Variants in HERC2 observed in about 807,000 individuals in gnomAD.
HERC2 encodes HECT and RLD domain containing E3 ubiquitin protein ligase 2.
In HERC2, 102 loss-of-function variants were observed where a neutral mutation model predicts 537.7. That is an observed-to-expected ratio of 0.19 (90% CI 0.16 to 0.22). HERC2 has a LOEUF of 0.22. HERC2 is among the 10% of genes least tolerant of loss of function. The pLI is 1.00. For synonymous variants in HERC2, 2,224 were observed against 2,466.2 expected, an observed-to-expected ratio of 0.90 and a Z score of 2.91; for missense variants, 4,236 against 6,198.2, an observed-to-expected ratio of 0.68 and a Z score of 10.63.
chr15:28,313,462 C>G (rs2077000956), intron 2 of HERC2, among the ~76,000 whole-genome samples: 1 of 151,188 alleles, frequency 6.6e-6, no homozygotes, highest in Non-Finnish European at 1.5e-5. Context: ...GCCACCGCAC[C>G]CAGCCCGTTA....
intron 12 of HERC2, among the ~76,000 whole-genome samples, chr15:28,267,947 C>T (rs1291831150): frequency 1.3e-5 from 2 of 152,246 alleles, no homozygotes; most frequent in African/African-American, 4.8e-5. Context: ...GTTCCCATCA[C>T]TCCATGGGGC....
At position 28,260,872 on chromosome 15, in the gene HERC2, G is replaced by C. The variant is rs1481672404; in HGVS notation, c.2221C>G (p.His741Asp). The C allele has an allele frequency of 6.2e-7, 1 of 1,614,116 alleles. No individual in the cohort carries two copies. The highest frequency in any genetic ancestry group is 8.5e-7 in the Non-Finnish European group (1 of 1,180,052). The change falls in exon 16 of 93, where the codon CAC becomes GAC. Residue 741 changes from histidine (H) to aspartate (D), a missense_variant. Around this residue, in one of 27 missense-constraint regions of HERC2, gnomAD observed 754 missense variants for 1,085.0 expected, o/e 0.69. Transcript: ENST00000261609. ...HSWGSNDQCQ[H>D]FDTLRVTKPE... ...TTGGTCACGCGCAAGGTGTCAAAGT[G>C]CTGGCACTGGTCGTTGCTCCCCCAG...
At chr15:28,195,003 C>G (rs1399796815) in intron 52 of HERC2, among the ~76,000 whole-genome samples, 1 of 150,568 alleles carries the variant, frequency 6.6e-6, no homozygotes, top group East Asian at 2.0e-4. Flanking sequence ...TTACAGTGAG[C>G]CAGGATCGCG....
chr15:28,179,054 A>T, intron 58 of HERC2, 24 bp from the exon 59 acceptor site: 2 of 1,610,758 alleles, frequency 1.2e-6, no homozygotes, highest in Non-Finnish European at 1.7e-6. Context: ...CAGCCAGGAG[A>T]GGACTCTCTT....
At chr15:28,116,637 C>A (rs778167587) in intron 88 of HERC2, 28 bp downstream of exon 88, 7 of 1,584,038 alleles carry the variant, frequency 4.4e-6, no homozygotes, top group Non-Finnish European at 1.7e-6. Flanking sequence ...GCCACAGCGA[C>A]ACAGTCTCAA....
At position 28,229,594 on chromosome 15, in the gene HERC2, C is replaced by T. The variant is rs375450605; in HGVS notation, c.4986G>A (p.Leu1662=). ...CTTCCAGGCGAACCTCTGCTCTCTCCAACTGCAAAATATCAATGCATACAG... is the reference window on the plus strand; with the variant it reads ...CTTCCAGGCGAACCTCTGCTCTCTCTAACTGCAAAATATCAATGCATACAG... ...EKMRKCLLKQ[L]ERAEVRLEGI... is the part of the protein sequence containing the mutation. The change falls in exon 33 of 93, where the codon TTG becomes TTA. Residue 1662 remains leucine, a splice_region_variant and synonymous_variant. Coordinates refer to ENST00000261609, the MANE Select transcript of HERC2 (RefSeq NM_004667.6). The T allele has an allele frequency of 7.4e-5, 119 of 1,611,550 alleles. 1 individual carries two copies. The highest frequency in any genetic ancestry group is 5.0e-4 in the Admixed American group (30 of 60,016).
At chr15:28,307,603 G>C (rs1006065980) in intron 2 of HERC2, among the ~76,000 whole-genome samples, 4 of 152,168 alleles carry the variant, frequency 2.6e-5, no homozygotes, top group African/African-American at 9.6e-5. Context: ...TCACTGACCT[G>C]TTGGTCATTC....
chr15:28,228,381 G>A lies in HERC2; in HGVS notation c.5301C>T (p.Ile1767=). The stretch of plus-strand genomic sequence containing the variant: ...TCGGTCCTGACGGGTTCTCATTGGT[G>A]ATGGTTTGCAGGGGAACCGGCTGGA... ...LGIQPVPLQT[I]TNENPSGPSL... Residue 1767 remains isoleucine (I), a synonymous_variant, in exon 35 of 93, where the codon ATC becomes ATT. Coordinates refer to ENST00000261609, the MANE Select transcript of HERC2 (RefSeq NM_004667.6). 1 of 1,612,096 alleles carries A rather than the reference G, an allele frequency of 6.2e-7. No homozygotes were observed.
At chr15:28,311,828 C>T (rs1353901112) in intron 2 of HERC2, among the ~76,000 whole-genome samples, 4 of 152,054 alleles carry the variant, frequency 2.6e-5, no homozygotes, top group African/African-American at 7.2e-5. Flanking sequence ...CAGTGTTCTG[C>T]GGTACAGCCT....
Position 28,220,562 on chromosome 15 carries a change from C to T in HERC2, c.5735G>A (p.Ser1912Asn), listed in dbSNP as rs753048101. ...GWIRVQWDTG[S>N]TNSYRMGKEG... ...TTTCCCCATCCTGTAGGAGTTGGTG[C>T]TGCCTGTGTCCCACTGGACTCTTAT... Residue 1912 changes from serine (S) to asparagine (N), a missense_variant, in exon 37 of 93, where the codon AGC becomes AAC. Physicochemically the swap from Ser to Asn is conservative, Grantham distance 46 (BLOSUM62 1). This residue lies in a region of HERC2 where 365 missense variants were observed against 468.8 expected (regional missense o/e 0.78). Coordinates refer to ENST00000261609, the MANE Select transcript of HERC2 (RefSeq NM_004667.6). 5 of 1,601,464 alleles carry T rather than the reference C, an allele frequency of 3.1e-6. No individual in the cohort carries two copies. The South Asian group carries it at 4.4e-5, about 14-fold the overall frequency.
rs555120221 is a variant in HERC2 at position 28,179,717 on chromosome 15, TG to T, written c.8938-495del. Reference sequence around the variant, plus strand: ...CAGGAAAGGACAGCTAGCTCCTTTGTGGGGGTGAAAGAGAGCAACACTATGA... The same window carrying T: ...CAGGAAAGGACAGCTAGCTCCTTTGTGGGGTGAAAGAGAGCAACACTATGA... On this transcript the variant is annotated intron_variant, in intron 57 of 92. Coordinates refer to ENST00000261609, the MANE Select transcript of HERC2 (RefSeq NM_004667.6). Among the ~76,000 whole-genome samples the T allele has an allele frequency of 1.2e-4, 18 of 152,314 alleles. No homozygotes were observed. In the South Asian group the frequency reaches 3.7e-3, roughly 32 times the overall value.
chr15:28,228,288 G>A lies in HERC2; in HGVS notation c.5394C>T (p.Gly1798=), dbSNP rs371660205. ...VMLSMLTLQH[G]ANNLDLLLNS... The stretch of plus-strand genomic sequence containing the variant: ...TGAGCAGAAGGTCGAGGTTGTTTGC[G>A]CCGTGCTGCAGGGTGAGCATGCTGA... The change falls in exon 35 of 93, where the codon GGC becomes GGT. Residue 1798 remains glycine (G), a synonymous_variant. Transcript: ENST00000261609. 5.9e-5 allele frequency: 95 copies of A among 1,613,024 alleles called. No homozygotes were observed. Among genetic ancestry groups the A allele is most frequent in the Middle Eastern group, 1.9e-4 (1 of 5,398 alleles).
At position 28,215,608 on chromosome 15, in the gene HERC2, G is replaced by A. The variant is rs1371715020; in HGVS notation, c.6210+13C>T. The A allele has an allele frequency of 1.3e-6, 2 of 1,590,598 alleles. No homozygotes were observed. Among genetic ancestry groups the A allele is most frequent in the Non-Finnish European group, 1.7e-6 (2 of 1,166,322 alleles). On this transcript the variant is annotated intron_variant, in intron 39 of 92. Coordinates refer to ENST00000261609, the MANE Select transcript of HERC2 (RefSeq NM_004667.6). ...CTCTCTCAGGGAACTGGTTTTGCCT[G>A]GCAGCACATTACCTGCCTCTGCAGC... is the stretch of plus-strand genomic sequence containing the variant.
At chr15:28,203,960 G>C (rs1389315572) in intron 45 of HERC2, 1 of 152,008 alleles carries the variant, frequency 6.6e-6, no homozygotes. Context: ...GTGACGCCCA[G>C]AAGAGATTCT....
At chr15:28,272,753 G>A (rs1414708327) in intron 8 of HERC2, 141 bp downstream of exon 8, 1 of 604,060 alleles carries the variant, frequency 1.7e-6, no homozygotes, top group Non-Finnish European at 2.9e-6. Flanking sequence ...GGTAAAGAGA[G>A]AGAGCCCTGG....
At chr15:28,155,553 A>G (rs1416171647) in intron 69 of HERC2, among the ~76,000 whole-genome samples, 8 of 151,470 alleles carry the variant, frequency 5.3e-5, no homozygotes, top group Admixed American at 4.6e-4. Flanking sequence ...TGGTGGCTGC[A>G]TAAATGTCTT....
At chr15:28,270,385 A>G (rs1421185672) in intron 10 of HERC2, among the ~76,000 whole-genome samples, 8 of 152,040 alleles carry the variant, frequency 5.3e-5, no homozygotes, top group Admixed American at 3.9e-4. Flanking sequence ...GAGTATGAAG[A>G]AGGCTGTGGA....
rs1373916797 is a variant in HERC2, at chr15:28,212,573, A to T, written c.6797T>A (p.Val2266Glu). The stretch of plus-strand genomic sequence containing the variant: ...GGGCAGGTTGTTCACATTAAAGGCC[A>T]CGGCAGGGAGCTGGAGAGGACACAG... ...PLNQLKPLPA[V>E]AFNVNNLPFT... The change falls in exon 43 of 93, where the codon GTG becomes GAG. Residue 2266 changes from valine (V) to glutamate (E), a missense_variant. This residue lies in a region of HERC2 where 67 missense variants were observed against 140.1 expected (regional missense o/e 0.48). Transcript: ENST00000261609. 1 of 1,607,660 alleles carries T rather than the reference A, an allele frequency of 6.2e-7. No individual in the cohort carries two copies. Among genetic ancestry groups the T allele is most frequent in the Admixed American group, 1.7e-5 (1 of 59,890 alleles).
chr15:28,178,518 T>A (rs1424297955), intron 59 of HERC2, among the ~76,000 whole-genome samples: 1 of 152,182 alleles, frequency 6.6e-6, no homozygotes, highest in Non-Finnish European at 1.5e-5. Flanking sequence ...ATTAGAACTT[T>A]GTGTCTAATT....
Sources: allele counts gnomAD v4.1 joint callset (sites outside exome capture counted in the v4.1 genomes callset), GRCh38; gene constraint gnomAD v4.1.1; regional missense constraint gnomAD v4.1.1; transcripts MANE v1.5; gene names NCBI Gene and HGNC (gene_info 2026-07-23, HGNC 2026-07-21).